The following S100PBP variants were observed in gnomAD, a reference collection of about 807,000 sequenced individuals.
S100PBP encodes the protein S100P binding protein, also known as S100P-binding protein.
A neutral mutation model predicts 39.9 loss-of-function variants in S100PBP; 15 were observed. The ratio of observed to expected loss-of-function variants is 0.38; its 90% CI spans 0.25 to 0.58. S100PBP has a LOEUF of 0.58. Ranked by LOEUF, S100PBP falls within the 20% of genes least tolerant of loss-of-function variation. S100PBP has a pLI of 0.70. For missense variants in S100PBP, 504 were observed against 487.3 expected (o/e 1.03, Z -0.32); for synonymous variants, 178 against 180.3 (o/e 0.99, Z 0.10).
Position 32,827,012 on chromosome 1 carries a change from A to C in S100PBP, c.831+82A>C, listed in dbSNP as rs1639362354. 3 of 884,608 alleles carry C rather than the reference A, an allele frequency of 3.4e-6. No homozygotes were observed. In the South Asian group the frequency reaches 5.4e-5, roughly 16 times the overall value. The allele number at this position is 884,608 out of a possible 1,614,324, so 54.8% of individuals were successfully genotyped here. ...ATAGCAGAGTTTCCATATACCTGCT[A>C]TCTCCACACATACACAACTTCCCCT... is the stretch of plus-strand genomic sequence containing the variant. On this transcript the variant is annotated intron_variant, in intron 3 of 6. Coordinates refer to ENST00000373475, the MANE Select transcript of S100PBP (RefSeq NM_022753.4).
At chr1:32,842,236 T>TATATATATATACACACAC (rs372174677) in intron 5 of S100PBP, among the ~76,000 whole-genome samples, 3 of 80,854 alleles carry the variant, frequency 3.7e-5, no homozygotes, top group Non-Finnish European at 6.9e-5. Flanking sequence ...TATATATATA[T>TATATATATATACACACAC]ACACACACAC....
chr1:32,823,291 T>TCTTA (rs1409697694), intron 1 of S100PBP, among the ~76,000 whole-genome samples: 2 of 152,200 alleles, frequency 1.3e-5, no homozygotes, highest in Non-Finnish European at 1.5e-5. Context: ...CCATAAATTT[T>TCTTA]CTTAAGTCAA....
rs749280187 is a variant in S100PBP, at chr1:32,826,262, G to A, written c.163G>A (p.Glu55Lys). 65 of 1,614,030 alleles carry A rather than the reference G, an allele frequency of 4.0e-5. No homozygotes were observed. Among genetic ancestry groups the A allele is most frequent in the Non-Finnish European group, 5.3e-5 (62 of 1,180,018 alleles). The change falls in exon 3 of 7, where the codon GAG (glutamate) becomes AAG (lysine). Residue 55 changes from glutamate to lysine, a missense_variant. Coordinates refer to ENST00000373475, the MANE Select transcript of S100PBP (RefSeq NM_022753.4). ...EEDDGDVNYT[E>K]EEIDALLKED... ...AGATGATGGTGATGTAAATTACACA[G>A]AGGAAGAGATTGATGCACTGTTGAA...
intron 4 of S100PBP, 59 bp downstream of exon 4, chr1:32,828,140 T>C: frequency 1.6e-6 from 2 of 1,260,220 alleles, no homozygotes; most frequent in Non-Finnish European, 2.3e-6. Flanking sequence ...ATTTCTTTCT[T>C]CCCCTCTCCA....
intron 1 of S100PBP, among the ~76,000 whole-genome samples, chr1:32,822,321 A>C (rs1267245180): frequency 1.3e-5 from 2 of 152,140 alleles, no homozygotes; most frequent in East Asian, 3.9e-4. Context: ...ACTTTTGAAA[A>C]TGAGGAAATG....
At chr1:32,833,996 G>T in intron 5 of S100PBP, 1 of 296,126 alleles carries the variant, frequency 3.4e-6, no homozygotes, top group South Asian at 3.4e-5. Context: ...TGAACATTCT[G>T]GTCAATAAAT....
At chr1:32,854,742 A>G (rs1408100540) in intron 6 of S100PBP, among the ~76,000 whole-genome samples, 1 of 152,054 alleles carries the variant, frequency 6.6e-6, no homozygotes, top group Non-Finnish European at 1.5e-5. Context: ...ACAAAGGCCT[A>G]TATGCTTTGG....
At chr1:32,817,051 G>C (rs1377558898), upstream of S100PBP, 1 of 1,119,750 alleles carries the variant, frequency 8.9e-7, no homozygotes, top group African/African-American at 1.5e-5. Flanking sequence ...CCAGCAGTGA[G>C]ATCTACAGGC....
chr1:32,838,247 T>C (rs1186203286), intron 5 of S100PBP, among the ~76,000 whole-genome samples: 2 of 145,980 alleles, frequency 1.4e-5, no homozygotes, highest in Non-Finnish European at 3.0e-5. Flanking sequence ...GGCAGGAGAA[T>C]GGCATGAACC....
intron 1 of S100PBP, among the ~76,000 whole-genome samples, chr1:32,823,652 T>G (rs1163181652): frequency 2.6e-5 from 4 of 152,348 alleles, no homozygotes; most frequent in Non-Finnish European, 2.9e-5. Flanking sequence ...TCCCTTCTAA[T>G]TCTAGAACTC....
At chr1:32,844,258 G>A (rs1214711410) in intron 5 of S100PBP, among the ~76,000 whole-genome samples, 1 of 152,006 alleles carries the variant, frequency 6.6e-6, no homozygotes, top group African/African-American at 2.4e-5. Flanking sequence ...TGCTATATTG[G>A]CCAGGCTGGT....
rs141559960 is a variant in S100PBP at position 32,821,501 on chromosome 1, T to C, written c.-120+3812T>C. Among the ~76,000 whole-genome samples, 181 of 152,030 alleles carry C rather than the reference T, an allele frequency of 1.2e-3. 7 individuals carry two copies. The East Asian group carries it at 0.031, about 26-fold the overall frequency. On this transcript the variant is annotated intron_variant, in intron 1 of 6. Coordinates refer to ENST00000373475, the MANE Select transcript of S100PBP (RefSeq NM_022753.4). ...CAAGCCCAGCTAATTTTTGTACTTTTAGTAGAGTTGGGGTTTCACCAGGTT... is the reference window on the plus strand; with the variant it reads ...CAAGCCCAGCTAATTTTTGTACTTTCAGTAGAGTTGGGGTTTCACCAGGTT...
In S100PBP at chr1:32,858,104, T is replaced by A. The variant is rs2148706080; in HGVS notation, c.*2066T>A. ...TAGCATAGTTAAAATTAAATGTAGT[T>A]GGAATAGCTAGCATTGCAGCTACAG... On this transcript the variant is annotated 3_prime_UTR_variant, in exon 7 of 7. Coordinates refer to ENST00000373475, the MANE Select transcript of S100PBP (RefSeq NM_022753.4). 6.6e-6 allele frequency: 1 copy of A among 152,602 alleles called. No individual in the cohort carries two copies. The highest frequency in any genetic ancestry group is 1.9e-4 in the East Asian group (1 of 5,186). The allele number at this position is 152,602 out of a possible 1,614,324, so 9.5% of individuals were successfully genotyped here.
In S100PBP at chr1:32,828,011, G is replaced by A; in HGVS notation, c.850G>A (p.Asp284Asn). 1 of 1,610,860 alleles carries A rather than the reference G, an allele frequency of 6.2e-7. No individual in the cohort carries two copies. ...SSNKQDVLNK[D>N]SGKMKGHERR... ...AAAAAAGCAGGATGTTCTTAACAAG[G>A]ATTCTGGGAAGATGAAAGGCCATGA... The change falls in exon 4 of 7, where the codon GAT becomes AAT. Residue 284 changes from aspartate to asparagine, a missense_variant. Transcript: ENST00000373475.
intron 4 of S100PBP, among the ~76,000 whole-genome samples, chr1:32,828,473 C>T (rs1257253516): frequency 6.6e-6 from 1 of 152,066 alleles, no homozygotes; most frequent in Admixed American, 6.6e-5. Flanking sequence ...TGTTGTCCCT[C>T]CCAACTTGCA....
chr1:32,857,807 TG>T lies in S100PBP; in HGVS notation c.*1773del, dbSNP rs1553135372. The T allele has an allele frequency of 6.6e-6, 1 of 152,300 alleles. No homozygotes were observed. Among genetic ancestry groups the T allele is most frequent in the Admixed American group, 6.5e-5 (1 of 15,294 alleles). 9.4% of individuals were successfully genotyped at this position (152,300 alleles called of 1,614,324 possible). On this transcript the variant is annotated 3_prime_UTR_variant, in exon 7 of 7. Coordinates refer to ENST00000373475, the MANE Select transcript of S100PBP (RefSeq NM_022753.4). ...TCCTACCCCACTTTAGAAACGGACG[TG>T]GGGAACGCTTGGTCATTTAAGCCAA...
intron 5 of S100PBP, among the ~76,000 whole-genome samples, chr1:32,842,125 G>C (rs568279874): frequency 1.4e-5 from 2 of 144,506 alleles, no homozygotes; most frequent in Non-Finnish European, 1.5e-5. Context: ...GAAGAGGGAG[G>C]TTGCATTGAT....
intron 5 of S100PBP, chr1:32,842,915 T>C (rs974114624): frequency 6.6e-6 from 1 of 152,202 alleles, no homozygotes; most frequent in East Asian, 1.9e-4. Flanking sequence ...CATTTTAATA[T>C]TGAGTGTTTT....
chr1:32,842,761 A>G (rs1044274092), intron 5 of S100PBP: 1 of 151,884 alleles, frequency 6.6e-6, no homozygotes, highest in African/African-American at 2.4e-5. Flanking sequence ...CACTCAGCTT[A>G]ATTTTTTTAT....
Sources: allele counts gnomAD v4.1 joint callset (sites outside exome capture counted in the v4.1 genomes callset), GRCh38; gene constraint gnomAD v4.1.1; transcripts MANE v1.5; gene names NCBI Gene and HGNC (gene_info 2026-07-23, HGNC 2026-07-21).